Variants in ZNF730 observed in about 807,000 individuals in gnomAD.
ZNF730 encodes the protein putative zinc finger protein 730.
A neutral mutation model predicts 12.6 loss-of-function variants in ZNF730; 12 were observed. That is an observed-to-expected ratio of 0.95 (90% confidence interval 0.61 to 1.54). The LOEUF is 1.54. ZNF730 is among the 40% of genes most tolerant of loss of function. The probability of loss-of-function intolerance (pLI) is 0.00; values close to 1 mark genes in which losing one functional copy is unlikely to be tolerated. For missense variants in ZNF730, 643 were observed against 583.5 expected (o/e 1.10, Z -1.05); for synonymous variants, 194 against 195.8 (o/e 0.99, Z 0.08).
chr19:23,114,300 CTTTTCTTTTTTTTTTT>C (rs1970489855), upstream of ZNF730, among the ~76,000 whole-genome samples: 1 of 119,540 alleles, frequency 8.4e-6, no homozygotes, highest in Admixed American at 8.9e-5. Context: ...TTTTCTTTTT[CTTTTCTTTTTTTTTTT>C]TTTTTTTTGA....
chr19:23,099,644 C>A (rs1970306050), intron 1 of ZNF730, among the ~76,000 whole-genome samples: 1 of 152,166 alleles, frequency 6.6e-6, no homozygotes, highest in African/African-American at 2.4e-5. Context: ...GAAATTGAGG[C>A]TCTCATACAC....
intron 1 of ZNF730, among the ~76,000 whole-genome samples, chr19:23,121,094 G>A (rs1455671458): frequency 6.6e-6 from 1 of 152,146 alleles, no homozygotes; most frequent in Non-Finnish European, 1.5e-5. Context: ...TATTAAATTT[G>A]CTGATAATTG....
intron 1 of ZNF730, among the ~76,000 whole-genome samples, chr19:23,121,767 G>A (rs1289295958): frequency 6.6e-6 from 1 of 152,200 alleles, no homozygotes; most frequent in Admixed American, 6.5e-5. Flanking sequence ...TCTGCATCCA[G>A]TGTCTACTGA....
chr19:23,138,927 G>A (rs1009024018), intron 3 of ZNF730, among the ~76,000 whole-genome samples: 4 of 152,074 alleles, frequency 2.6e-5, no homozygotes, highest in Non-Finnish European at 5.9e-5. Flanking sequence ...AGGAAAATAA[G>A]CAAATAGGGC....
upstream of ZNF730, among the ~76,000 whole-genome samples, chr19:23,116,672 C>A (rs1201665407): frequency 6.6e-6 from 1 of 150,990 alleles, no homozygotes; most frequent in South Asian, 2.1e-4. Flanking sequence ...CCACCCGCCT[C>A]GGCCCCCCAA....
chr19:23,101,897 G>A (rs1184051256), intron 1 of ZNF730, among the ~76,000 whole-genome samples: 1 of 152,160 alleles, frequency 6.6e-6, no homozygotes, highest in Non-Finnish European at 1.5e-5. Context: ...GATGATGTGA[G>A]TTATTTTTCT....
At chr19:23,127,199 T>C (rs2145632177) in intron 1 of ZNF730, 2 of 586,006 alleles carry the variant, frequency 3.4e-6, no homozygotes, top group East Asian at 3.8e-5. Context: ...ACTCCGGAAA[T>C]AATTACTCCA....
chr19:23,128,484 C>T (rs565270610), intron 1 of ZNF730: 12 of 306,802 alleles, frequency 3.9e-5, no homozygotes, highest in South Asian at 3.7e-4. Flanking sequence ...CTCAAAAGAT[C>T]GAGTAGCTCA....
At chr19:23,103,377 G>A (rs561752590) in intron 1 of ZNF730, among the ~76,000 whole-genome samples, 16 of 152,262 alleles carry the variant, frequency 1.1e-4, no homozygotes, top group African/African-American at 3.6e-4. Flanking sequence ...GCACAACAAG[G>A]TACTCGTAAT....
Position 23,146,745 on chromosome 19 carries a change from G to C in ZNF730, c.*189G>C. The C allele has an allele frequency of 8.1e-7, 1 of 1,233,422 alleles. No homozygotes were observed. Among genetic ancestry groups the C allele is most frequent in the Non-Finnish European group, 1.2e-6 (1 of 835,784 alleles). 76.4% of individuals were successfully genotyped at this position (1,233,422 alleles called of 1,614,324 possible). A position where few individuals can be genotyped will look rare whatever the true frequency, so the allele number is the denominator to read the frequency against. ...CTACAAATGTGAAGAATGTGGCAAAGTCTTCAACCAATCTTCACACCTTAC... is the reference window on the plus strand; with the variant it reads ...CTACAAATGTGAAGAATGTGGCAAACTCTTCAACCAATCTTCACACCTTAC... On this transcript the variant is annotated 3_prime_UTR_variant, in exon 4 of 4. Transcript: ENST00000597761.
intron 1 of ZNF730, among the ~76,000 whole-genome samples, chr19:23,085,836 CTTTTTTTTTTTTTTTT>C (rs556123915): frequency 5.5e-5 from 3 of 54,806 alleles, no homozygotes; most frequent in South Asian, 8.3e-4. Context: ...ATTTTTTTTT[CTTTTTTTTTTTTTTTT>C]TTTTTTTTTT....
chr19:23,121,972 G>A (rs1265174727), intron 1 of ZNF730, among the ~76,000 whole-genome samples: 6 of 152,018 alleles, frequency 3.9e-5, no homozygotes, highest in Admixed American at 3.9e-4. Context: ...GTAAATCATA[G>A]TAACAGCTAT....
At chr19:23,098,146 G>GAA (rs886591031) in intron 1 of ZNF730, among the ~76,000 whole-genome samples, 5 of 132,108 alleles carry the variant, frequency 3.8e-5, no homozygotes, top group South Asian at 2.4e-4. Context: ...TCTGTCTCAA[G>GAA]AAAAAAAAAA....
chr19:23,128,218 G>T lies in ZNF730; in HGVS notation c.4-5862G>T, dbSNP rs143122062. 5 of 756,794 alleles carry T rather than the reference G, an allele frequency of 6.6e-6. No individual in the cohort carries two copies. In the Admixed American group the frequency reaches 8.7e-5, roughly 13 times the overall value. The allele number at this position is 756,794 out of a possible 1,614,324, so 46.9% of individuals were successfully genotyped here. On this transcript the variant is annotated intron_variant, in intron 1 of 3. Coordinates refer to ENST00000597761, the MANE Select transcript of ZNF730 (RefSeq NM_001277403.2). ...CAGTACCAAACAGTTCCCTGGTTAT[G>T]ATTCTGAAAGCAAGGACTTTAATGC...
intron 1 of ZNF730, among the ~76,000 whole-genome samples, chr19:23,101,751 G>T (rs7253189): frequency 5.6e-4 from 84 of 150,078 alleles, no homozygotes; most frequent in African/African-American, 2.0e-3. Context: ...TGTATTTTTA[G>T]TAGAGACGGG....
intron 1 of ZNF730, among the ~76,000 whole-genome samples, chr19:23,092,982 TTTTTTG>T (rs1331998628): frequency 2.0e-5 from 3 of 152,130 alleles, no homozygotes; most frequent in African/African-American, 4.8e-5. Flanking sequence ...CCTCAATTGT[TTTTTTG>T]TTTTTGTTTT....
chr19:23,093,479 TG>T (rs1430715170), intron 1 of ZNF730, among the ~76,000 whole-genome samples: 1 of 152,130 alleles, frequency 6.6e-6, no homozygotes, highest in African/African-American at 2.4e-5. Context: ...GCCCCTGCTG[TG>T]GGTTAGGGGG....
intron 1 of ZNF730, among the ~76,000 whole-genome samples, chr19:23,079,787 C>G (rs573972179): frequency 6.6e-5 from 10 of 152,158 alleles, no homozygotes; most frequent in Admixed American, 1.3e-4. Flanking sequence ...TCTCTAGCTC[C>G]TGAAGAACCC....
At chr19:23,102,453 C>T (rs1970345955) in intron 1 of ZNF730, among the ~76,000 whole-genome samples, 1 of 151,392 alleles carries the variant, frequency 6.6e-6, no homozygotes. Flanking sequence ...CTTGGTCTAG[C>T]TCACAGGTGT....
Sources: allele counts gnomAD v4.1 joint callset (sites outside exome capture counted in the v4.1 genomes callset), GRCh38; gene constraint gnomAD v4.1.1; transcripts MANE v1.5; gene names NCBI Gene and HGNC (gene_info 2026-07-23, HGNC 2026-07-21).